The following DENND2B variants were observed in gnomAD, a reference collection of about 807,000 sequenced individuals.
DENND2B encodes DENN domain containing 2B, also known as DENN domain-containing protein 2B.
A neutral mutation model predicts 116.0 loss-of-function variants in DENND2B; 32 were observed. That is an observed-to-expected ratio of 0.28 (90% CI 0.21 to 0.37). The LOEUF is 0.37. Among genes scored for constraint, DENND2B ranks in the 10% least tolerant of loss-of-function variants. DENND2B has a pLI of 1.00. For missense variants in DENND2B, 1,276 were observed against 1,477.7 expected, an observed-to-expected ratio of 0.86 and a Z score of 2.24; for synonymous variants, 588 against 583.9, an observed-to-expected ratio of 1.01 and a Z score of -0.10.
Position 8,894,753 on chromosome 11 carries a change from G to A in DENND2B, c.-255-13644C>T, listed in dbSNP as rs538592320. On this transcript the variant is annotated intron_variant, in intron 1 of 22. Transcript: ENST00000534127. ...TCATTAAAAAGTCAGGAAACAACAG[G>A]TGCTGGAGAGGATGTGGAGAAATAG... 1.5e-3 allele frequency among the ~76,000 whole-genome samples: 222 copies of A among 152,188 alleles called. 1 individual carries two copies. Among genetic ancestry groups the A allele is most frequent in the African/African-American group, 5.1e-3 (212 of 41,534 alleles).
intron 6 of DENND2B, 150 bp from the exon 7 acceptor site, chr11:8,714,856 G>A (rs985260607): frequency 1.4e-5 from 9 of 631,060 alleles, no homozygotes; most frequent in African/African-American, 1.3e-4. Context: ...CTGCAGAACC[G>A]ACCTCAAGTG....
At chr11:8,904,577 C>T (rs942809079) in intron 1 of DENND2B, among the ~76,000 whole-genome samples, 14 of 152,026 alleles carry the variant, frequency 9.2e-5, no homozygotes, top group African/African-American at 2.2e-4. Context: ...CAAGCCAGTG[C>T]GATTAGGCAA....
At chr11:8,810,774 C>CA (rs1389733480), upstream of DENND2B, 1 of 152,072 alleles carries the variant, frequency 6.6e-6, no homozygotes, top group Non-Finnish European at 1.5e-5. Context: ...AGCGCGTGCA[C>CA]AAGGGCGCTC....
intron 1 of DENND2B, among the ~76,000 whole-genome samples, chr11:8,790,946 C>T (rs1178352993): frequency 2.6e-5 from 4 of 152,200 alleles, no homozygotes; most frequent in African/African-American, 9.7e-5. Context: ...TTTTAAAATA[C>T]AGTTAGGTGG....
At chr11:8,782,014 A>T (rs2058426674) in intron 1 of DENND2B, among the ~76,000 whole-genome samples, 1 of 152,228 alleles carries the variant, frequency 6.6e-6, no homozygotes, top group Non-Finnish European at 1.5e-5. Context: ...ACAATCTGGA[A>T]TTACCTAGTA....
intron 1 of DENND2B, among the ~76,000 whole-genome samples, chr11:8,780,172 C>T (rs763684100): frequency 1.3e-5 from 2 of 152,206 alleles, no homozygotes; most frequent in Non-Finnish European, 2.9e-5. Context: ...CAAACACCAA[C>T]CATGCATAAG....
chr11:8,712,729 G>A lies in DENND2B; in HGVS notation c.1994C>T (p.Thr665Ile). 6.2e-7 allele frequency: 1 copy of A among 1,609,746 alleles called. No individual in the cohort carries two copies. Among genetic ancestry groups the A allele is most frequent in the Non-Finnish European group, 8.5e-7 (1 of 1,177,790 alleles). ...SDSDDRFKAH[T>I]QRLVHIQSML... ...CGACTGGATGTGGACCAGGCGCTGT[G>A]TGTGGGCTGGAGGCAGGTTGCACAT... The change falls in exon 9 of 20, where the codon ACA becomes ATA. Residue 665 changes from threonine to isoleucine, a missense_variant. Thr to Ile is a moderately conservative substitution (Grantham distance 89). Around this residue, in one of 2 missense-constraint regions of DENND2B, gnomAD observed 420 missense variants for 631.1 expected, o/e 0.67. Coordinates refer to ENST00000313726, the MANE Select transcript of DENND2B (RefSeq NM_213618.2). The surrounding 1 kb of genome is among the most constrained non-coding windows in gnomAD (Gnocchi z 4.4).
chr11:8,786,278 G>C (rs56070502), intron 1 of DENND2B, among the ~76,000 whole-genome samples: 1,795 of 151,980 alleles, frequency 0.012, 39 homozygotes, highest in African/African-American at 0.041. Flanking sequence ...ATAAGCACTG[G>C]TTATAAAAAT....
chr11:8,747,893 C>A (rs116794194), intron 2 of DENND2B, among the ~76,000 whole-genome samples: 1 of 152,184 alleles, frequency 6.6e-6, no homozygotes. Context: ...GGACTGGAAT[C>A]CAGGGTCTTT....
intron 1 of DENND2B, chr11:8,766,684 A>C (rs2055866949): frequency 7.8e-7 from 1 of 1,288,982 alleles, no homozygotes; most frequent in African/African-American, 1.5e-5. Context: ...CCCCACCTCC[A>C]TTCTTCCTTG....
intron 11 of DENND2B, among the ~76,000 whole-genome samples, chr11:8,709,469 C>T (rs569072755): frequency 1.3e-5 from 2 of 152,306 alleles, no homozygotes; most frequent in East Asian, 3.9e-4. Context: ...CATCTATGTT[C>T]CAGCAAAGGC....
Position 8,889,812 on chromosome 11 carries a change from G to A in DENND2B, c.-255-8703C>T, listed in dbSNP as rs1169113762. Among the ~76,000 whole-genome samples, 3 of 152,234 alleles carry A rather than the reference G, an allele frequency of 2.0e-5. No homozygotes were observed. In the East Asian group the frequency reaches 5.8e-4, roughly 29 times the overall value. ...GCCTGCCTCTGTAGACTCCACCTCT[G>A]GGGGCAAGGCATAGCCAAACAAAAG... On this transcript the variant is annotated intron_variant, in intron 1 of 22. Transcript: ENST00000534127.
chr11:8,707,838 G>A lies in DENND2B; in HGVS notation c.2369C>T (p.Pro790Leu), dbSNP rs1457104022. Reference sequence around the variant, plus strand: ...GACACAGTACACCTCTGGCAACCGGGGCCCTTTCCCACTTGGCTGGGCCAG... The same window carrying A: ...GACACAGTACACCTCTGGCAACCGGAGCCCTTTCCCACTTGGCTGGGCCAG... Reference protein sequence around the residue: ...CRRLLPSGKGPRLPEVYCVIS... With the variant: ...CRRLLPSGKGLRLPEVYCVIS... The change falls in exon 12 of 20, where the codon CCC becomes CTC. Residue 790 changes from proline (P) to leucine (L), a missense_variant. By Grantham distance (98) the Pro-to-Leu change is moderately conservative. Around this residue, in one of 2 missense-constraint regions of DENND2B, gnomAD observed 420 missense variants for 631.1 expected, o/e 0.67. Coordinates refer to ENST00000313726, the MANE Select transcript of DENND2B (RefSeq NM_213618.2). The surrounding 1 kb of genome is among the most constrained non-coding windows in gnomAD (Gnocchi z 4.8). The A allele has an allele frequency of 7.5e-6, 12 of 1,610,502 alleles. No homozygotes were observed. Among genetic ancestry groups the A allele is most frequent in the Middle Eastern group, 1.6e-4 (1 of 6,084 alleles).
At position 8,801,689 on chromosome 11, in the gene DENND2B, A is replaced by AAAAAAGAAAG. The variant is rs56084309; in HGVS notation, c.-26+8827_-26+8828insCTTTCTTTTT. 7.3e-3 allele frequency among the ~76,000 whole-genome samples: 853 copies of AAAAAAGAAAG among 117,646 alleles called. 17 individuals carry two copies. The highest frequency in any genetic ancestry group is 0.023 in the African/African-American group (703 of 30,308). 77.2% of individuals were successfully genotyped at this position (117,646 alleles called of 152,430 possible). On this transcript the variant is annotated intron_variant, in intron 1 of 19. Transcript: ENST00000313726. ...AAGACTTTGTCTCAAAAAAAAAAAA[A>AAAAAAGAAAG]AAAGAAAGAAAGAAACAAACAAACA...
chr11:8,766,586 C>T (rs1246684599), intron 1 of DENND2B: 2 of 1,281,658 alleles, frequency 1.6e-6, no homozygotes, highest in Non-Finnish European at 2.0e-6. Flanking sequence ...GACAGACCAT[C>T]CACTGAAAGG....
intron 16 of DENND2B, 48 bp downstream of exon 16, chr11:8,698,885 G>C: frequency 6.2e-7 from 1 of 1,607,968 alleles, no homozygotes; most frequent in Non-Finnish European, 8.5e-7. Flanking sequence ...GTGTGTGATG[G>C]TGCAGGGTGC....
intron 4 of DENND2B, among the ~76,000 whole-genome samples, chr11:8,818,511 G>C (rs532518100): frequency 1.1e-4 from 17 of 152,096 alleles, no homozygotes; most frequent in Admixed American, 2.0e-4. Context: ...GGGCAAGGCT[G>C]TAGGAAGTGT....
intron 1 of DENND2B, among the ~76,000 whole-genome samples, chr11:8,796,386 A>G (rs1454888231): frequency 6.6e-6 from 1 of 152,194 alleles, no homozygotes; most frequent in Non-Finnish European, 1.5e-5. Context: ...CAAAAATACA[A>G]AAATTAGCCA....
intron 1 of DENND2B, among the ~76,000 whole-genome samples, chr11:8,888,076 C>T (rs1190981325): frequency 1.3e-5 from 2 of 152,214 alleles, no homozygotes; most frequent in African/African-American, 4.8e-5. Context: ...AACATTTGCA[C>T]AGCAGCATCT....
Sources: allele counts gnomAD v4.1 joint callset (sites outside exome capture counted in the v4.1 genomes callset), GRCh38; gene constraint gnomAD v4.1.1; regional missense constraint gnomAD v4.1.1; non-coding constraint Gnocchi (gnomAD v3.1); transcripts MANE v1.5; gene names NCBI Gene and HGNC (gene_info 2026-07-23, HGNC 2026-07-21).